The following NEGR1 variants were observed in gnomAD, a reference collection of about 807,000 sequenced individuals.
The protein encoded by NEGR1 is neuronal growth regulator 1, also known as IgLON family member 4.
NEGR1 carries 10 observed loss-of-function variants against 40.9 expected under a neutral mutation model. That is an observed-to-expected ratio of 0.24 (90% CI 0.15 to 0.42). The LOEUF is 0.42. NEGR1 is among the 10% of genes least tolerant of loss of function. NEGR1 has a pLI of 1.00. For synonymous variants in NEGR1, 185 were observed against 166.8 expected, an observed-to-expected ratio of 1.11 and a Z score of -0.84; for missense variants, 352 against 438.9, an observed-to-expected ratio of 0.80 and a Z score of 1.77.
chr1:71,700,457 T>C (rs1035641234), intron 3 of NEGR1, among the ~76,000 whole-genome samples: 1 of 152,040 alleles, frequency 6.6e-6, no homozygotes, highest in Non-Finnish European at 1.5e-5. Flanking sequence ...CAGCACTATA[T>C]AAATGTTAAT....
chr1:71,888,194 T>A (rs1660783860), intron 2 of NEGR1, among the ~76,000 whole-genome samples: 1 of 152,120 alleles, frequency 6.6e-6, no homozygotes, highest in African/African-American at 2.4e-5. Context: ...TGATTTAGAA[T>A]GGAGAAGTCG....
chr1:72,136,306 G>T (rs920873778), intron 1 of NEGR1, among the ~76,000 whole-genome samples: 2 of 152,082 alleles, frequency 1.3e-5, no homozygotes, highest in East Asian at 3.9e-4. Flanking sequence ...GAATGTAAAA[G>T]CTGAAAAATG....
At chr1:72,181,931 A>G (rs1157542957) in intron 1 of NEGR1, among the ~76,000 whole-genome samples, 2 of 152,186 alleles carry the variant, frequency 1.3e-5, no homozygotes, top group Non-Finnish European at 2.9e-5. Context: ...CTCAGAGGAT[A>G]CAAAGTAGCA....
At chr1:71,725,231 C>A (rs1329934438) in intron 3 of NEGR1, among the ~76,000 whole-genome samples, 2 of 152,098 alleles carry the variant, frequency 1.3e-5, no homozygotes, top group African/African-American at 4.8e-5. Context: ...ATGTATCAGA[C>A]TTTTATACTT....
chr1:71,868,471 A>AATAC (rs56859630), intron 2 of NEGR1, among the ~76,000 whole-genome samples: 18,466 of 147,692 alleles, frequency 0.13, 1,236 homozygotes, highest in Admixed American at 0.15. Flanking sequence ...AGATAGACAG[A>AATAC]ATACATACAT....
chr1:71,972,103 T>C (rs1295641681), intron 1 of NEGR1, among the ~76,000 whole-genome samples: 1 of 152,242 alleles, frequency 6.6e-6, no homozygotes, highest in African/African-American at 2.4e-5. Context: ...TGATAACACA[T>C]AATTGTATGC....
At chr1:72,047,139 G>C (rs1178949597) in intron 1 of NEGR1, among the ~76,000 whole-genome samples, 1 of 143,854 alleles carries the variant, frequency 7.0e-6, no homozygotes, top group South Asian at 2.2e-4. Context: ...GTTTTGTTTT[G>C]TTTTTTTTTT....
At chr1:71,492,998 T>G (rs1269484859) in intron 6 of NEGR1, among the ~76,000 whole-genome samples, 1 of 152,124 alleles carries the variant, frequency 6.6e-6, no homozygotes, top group East Asian at 1.9e-4. Flanking sequence ...CACAGTTAGC[T>G]TAGTCACTCA....
intron 3 of NEGR1, among the ~76,000 whole-genome samples, chr1:71,755,614 C>A (rs952824456): frequency 6.6e-6 from 1 of 152,182 alleles, no homozygotes; most frequent in South Asian, 2.1e-4. Context: ...TAGAACAGAA[C>A]AACTTTTGTC....
At chr1:72,232,733 A>C in intron 1 of NEGR1, among the ~76,000 whole-genome samples, 1 of 152,072 alleles carries the variant, frequency 6.6e-6, no homozygotes, top group Non-Finnish European at 1.5e-5. Context: ...CCTTGGGCAG[A>C]GGATAATTAT....
intron 6 of NEGR1, among the ~76,000 whole-genome samples, chr1:71,566,858 AGGGCCCGTTCTTCAG>A (rs1204722088): frequency 5.3e-5 from 8 of 152,150 alleles, no homozygotes; most frequent in Non-Finnish European, 1.0e-4. Flanking sequence ...GTGACTGGTG[AGGGCCCGTTCTTCAG>A]GGGTGGCACC....
chr1:72,111,044 T>G (rs1390885783), intron 1 of NEGR1, among the ~76,000 whole-genome samples: 1 of 150,496 alleles, frequency 6.6e-6, no homozygotes, highest in African/African-American at 2.4e-5. Context: ...AAAAGGTAAT[T>G]ACACTAAATT....
At chr1:71,949,903 T>C (rs954915789) in intron 1 of NEGR1, among the ~76,000 whole-genome samples, 6 of 152,072 alleles carry the variant, frequency 3.9e-5, no homozygotes, top group Non-Finnish European at 2.9e-5. Context: ...GCTGCTCATA[T>C]AGTTTCGTTT....
chr1:71,864,256 T>C (rs1481916364), intron 2 of NEGR1, among the ~76,000 whole-genome samples: 1 of 152,162 alleles, frequency 6.6e-6, no homozygotes, highest in Non-Finnish European at 1.5e-5. Context: ...CTTATTCCAC[T>C]GTGGAGCACA....
chr1:71,718,867 T>C (rs1305879913), intron 3 of NEGR1, among the ~76,000 whole-genome samples: 1 of 152,214 alleles, frequency 6.6e-6, no homozygotes, highest in Non-Finnish European at 1.5e-5. Flanking sequence ...ATCCCTTCTG[T>C]ATGCTTAAGA....
At chr1:71,562,684 C>A (rs1291888320) in intron 6 of NEGR1, among the ~76,000 whole-genome samples, 2 of 151,890 alleles carry the variant, frequency 1.3e-5, no homozygotes, top group African/African-American at 4.8e-5. Context: ...GGGCTGTGTT[C>A]TTTCCTTTAA....
At chr1:72,021,499 G>A (rs1432599291) in intron 1 of NEGR1, among the ~76,000 whole-genome samples, 1 of 151,918 alleles carries the variant, frequency 6.6e-6, no homozygotes, top group Non-Finnish European at 1.5e-5. Flanking sequence ...GCAAATAGCT[G>A]GCAAAGTTAA....
At chr1:71,688,659 G>A (rs970783406) in intron 4 of NEGR1, among the ~76,000 whole-genome samples, 3 of 151,690 alleles carry the variant, frequency 2.0e-5, no homozygotes, top group African/African-American at 7.3e-5. Context: ...GTTTCACCAT[G>A]TTGGCCAGGC....
rs1412851916 is a variant in NEGR1, at chr1:72,123,270, A to C, written c.176+159049T>G. ...GTTACTTATGAATAAAATCATTTCC[A>C]TATCAGTTTAAATGTATAGTAGATA... On this transcript the variant is annotated intron_variant, in intron 1 of 6. Coordinates refer to ENST00000357731, the MANE Select transcript of NEGR1 (RefSeq NM_173808.3). Among the ~76,000 whole-genome samples, 3 of 151,926 alleles carry C rather than the reference A, an allele frequency of 2.0e-5. No homozygotes were observed. In the East Asian group the frequency reaches 5.8e-4, roughly 29 times the overall value.
Sources: allele counts gnomAD v4.1 joint callset (sites outside exome capture counted in the v4.1 genomes callset), GRCh38; gene constraint gnomAD v4.1.1; transcripts MANE v1.5; gene names NCBI Gene and HGNC (gene_info 2026-07-23, HGNC 2026-07-21).